Variants in IGFBP2 observed in about 807,000 individuals in gnomAD.
IGFBP2 encodes the protein insulin like growth factor binding protein 2.
IGFBP2 carries 12 observed loss-of-function variants against 26.2 expected under a neutral mutation model. The ratio of observed to expected loss-of-function variants is 0.46; its 90% CI spans 0.29 to 0.74. The LOEUF (loss-of-function observed/expected upper bound fraction) is 0.74. Among genes scored for constraint, IGFBP2 ranks in the 30% least tolerant of loss-of-function variants. The pLI, the probability that IGFBP2 is intolerant of heterozygous loss-of-function variation, is 0.09. For missense variants in IGFBP2, 328 were observed against 441.2 expected, an observed-to-expected ratio of 0.74 and a Z score of 2.30; for synonymous variants, 189 against 200.6, an observed-to-expected ratio of 0.94 and a Z score of 0.49.
At chr2:216,639,408 C>G (rs1361799230) in intron 1 of IGFBP2, among the ~76,000 whole-genome samples, 1 of 152,004 alleles carries the variant, frequency 6.6e-6, no homozygotes, top group Non-Finnish European at 1.5e-5. Context: ...AGGTAAATAC[C>G]TATGATGCCT....
At chr2:216,638,320 C>T (rs1697541706) in intron 1 of IGFBP2, among the ~76,000 whole-genome samples, 1 of 151,370 alleles carries the variant, frequency 6.6e-6, no homozygotes, top group East Asian at 2.0e-4. Context: ...GCCTGGCTAA[C>T]ATAGTGAAAC....
At chr2:216,635,124 G>T (rs1360586272) in intron 1 of IGFBP2, among the ~76,000 whole-genome samples, 5 of 151,974 alleles carry the variant, frequency 3.3e-5, no homozygotes, top group Admixed American at 2.6e-4. Flanking sequence ...GCACCAACCC[G>T]CCTCCCTTCT....
At chr2:216,635,306 T>C (rs991471053) in intron 1 of IGFBP2, among the ~76,000 whole-genome samples, 3 of 152,110 alleles carry the variant, frequency 2.0e-5, no homozygotes, top group African/African-American at 4.8e-5. Context: ...CTCGCTTCCT[T>C]CCCTAGCCTG....
At chr2:216,650,420 G>A (rs1475008079) in intron 1 of IGFBP2, among the ~76,000 whole-genome samples, 1 of 152,164 alleles carries the variant, frequency 6.6e-6, no homozygotes, top group Admixed American at 6.5e-5. Flanking sequence ...CCAAGGCTTC[G>A]AACCCAAAAG....
rs1280546242 is a variant in IGFBP2 at position 216,656,970 on chromosome 2, G to A, written c.443-3587G>A. 3.9e-5 allele frequency among the ~76,000 whole-genome samples: 6 copies of A among 152,162 alleles called. No individual in the cohort carries two copies. The East Asian group carries it at 9.6e-4, about 24-fold the overall frequency. On this transcript the variant is annotated intron_variant, in intron 1 of 3. Transcript: ENST00000233809. ...CCTGCCTCTGTGGGCACAAAGCTGG[G>A]TAGGGTGCGGTAAGCAGGGTGATGC...
chr2:216,646,882 A>G (rs966703690), intron 1 of IGFBP2, among the ~76,000 whole-genome samples: 1 of 152,220 alleles, frequency 6.6e-6, no homozygotes, highest in African/African-American at 2.4e-5. Flanking sequence ...CAGCCAAACC[A>G]TATCAGATGG....
intron 1 of IGFBP2, among the ~76,000 whole-genome samples, chr2:216,649,448 T>C (rs1419068002): frequency 6.6e-6 from 1 of 152,172 alleles, no homozygotes; most frequent in East Asian, 1.9e-4. Context: ...TCAGGCACAT[T>C]CTTCCCATTC....
chr2:216,651,459 C>T (rs1356364726), intron 1 of IGFBP2, among the ~76,000 whole-genome samples: 1 of 152,252 alleles, frequency 6.6e-6, no homozygotes, highest in African/African-American at 2.4e-5. Context: ...ACTGCCTGAC[C>T]TCCTTCCCTT....
At chr2:216,638,903 T>A (rs1170117242) in intron 1 of IGFBP2, among the ~76,000 whole-genome samples, 1 of 151,448 alleles carries the variant, frequency 6.6e-6, no homozygotes, top group African/African-American at 2.4e-5. Context: ...GGTTTCACAG[T>A]GTTAGCCAGG....
intron 1 of IGFBP2, among the ~76,000 whole-genome samples, chr2:216,635,643 T>A (rs892850795): frequency 1.3e-5 from 2 of 151,864 alleles, no homozygotes; most frequent in Admixed American, 1.3e-4. Context: ...CGTCTTATTC[T>A]AAGCCTGAAA....
intron 1 of IGFBP2, among the ~76,000 whole-genome samples, chr2:216,636,262 C>A (rs1298700352): frequency 6.6e-6 from 1 of 152,162 alleles, no homozygotes; most frequent in Non-Finnish European, 1.5e-5. Flanking sequence ...TCTCTCCTCT[C>A]CGAAGAATGA....
chr2:216,636,644 C>G (rs1697502143), intron 1 of IGFBP2, among the ~76,000 whole-genome samples: 1 of 152,076 alleles, frequency 6.6e-6, no homozygotes, highest in Non-Finnish European at 1.5e-5. Context: ...ACTCTAAAAG[C>G]GTGTGTATGT....
intron 1 of IGFBP2, among the ~76,000 whole-genome samples, chr2:216,653,671 G>A (rs963046519): frequency 1.3e-5 from 2 of 152,108 alleles, no homozygotes; most frequent in African/African-American, 4.8e-5. Flanking sequence ...TCTCCTCTAG[G>A]GGTCTTAGGT....
Position 216,664,295 on chromosome 2 carries a change from C to G in IGFBP2, c.*191C>G. The G allele has an allele frequency of 2.2e-6, 1 of 447,328 alleles. No homozygotes were observed. The highest frequency in any genetic ancestry group is 3.9e-6 in the Non-Finnish European group (1 of 255,446). 27.7% of individuals were successfully genotyped at this position (447,328 alleles called of 1,614,324 possible). On this transcript the variant is annotated 3_prime_UTR_variant, in exon 4 of 4. Coordinates refer to ENST00000233809, the MANE Select transcript of IGFBP2 (RefSeq NM_000597.3). This position sits in a 1 kb window ranked among gnomAD's most constrained non-coding sequence, Gnocchi z 4.6. ...TCTCTTCCCAGCTGCAGATGCCACA[C>G]CTGCTCCTTCTTGCTTTCCCCGGGG... is the stretch of plus-strand genomic sequence containing the variant.
At chr2:216,636,414 G>A (rs1697497124) in intron 1 of IGFBP2, among the ~76,000 whole-genome samples, 1 of 151,962 alleles carries the variant, frequency 6.6e-6, no homozygotes, top group African/African-American at 2.4e-5. Flanking sequence ...GGACTCAGGG[G>A]CTGTGTTGCT....
At chr2:216,646,674 A>T (rs550506551) in intron 1 of IGFBP2, among the ~76,000 whole-genome samples, 16 of 152,344 alleles carry the variant, frequency 1.1e-4, no homozygotes, top group Non-Finnish European at 1.5e-5. Flanking sequence ...GGCACGTCTC[A>T]CATGGTGGCA....
At chr2:216,660,383 G>A (rs1030431753) in intron 1 of IGFBP2, among the ~76,000 whole-genome samples, 174 bp from the exon 2 acceptor site, 11 of 152,210 alleles carry the variant, frequency 7.2e-5, no homozygotes, top group African/African-American at 2.7e-4. Flanking sequence ...TTAGGGTGAA[G>A]CTGAAATTGA....
chr2:216,660,728 G>T lies in IGFBP2; in HGVS notation c.614G>T (p.Gly205Val), dbSNP rs1411871524. 6.8e-6 allele frequency: 11 copies of T among 1,613,168 alleles called. No homozygotes were observed. Among genetic ancestry groups the T allele is most frequent in the East Asian group, 2.2e-5 (1 of 44,872 alleles). ...GAGCAGCACCGGCAGATGGGCAAGG[G>T]TGGCAAGCATCACCTTGGCCTGGAG... ...VTEQHRQMGK[G>V]GKHHLGLEEP... The change falls in exon 2 of 4, where the codon GGT (glycine) becomes GTT (valine). Residue 205 changes from glycine (G) to valine (V), a missense_variant. Physicochemically the swap from Gly to Val is moderately radical, Grantham distance 109. Coordinates refer to ENST00000233809, the MANE Select transcript of IGFBP2 (RefSeq NM_000597.3).
intron 1 of IGFBP2, among the ~76,000 whole-genome samples, chr2:216,651,029 C>T (rs368502683): frequency 8.6e-5 from 13 of 151,976 alleles, no homozygotes; most frequent in African/African-American, 2.9e-4. Flanking sequence ...CAGCCTATAC[C>T]GCGACAGACA....
Sources: gnomAD v4.1 joint callset for allele counts (sites outside exome capture counted in the v4.1 genomes callset) on GRCh38, gnomAD v4.1.1 for gene constraint, Gnocchi (gnomAD v3.1) non-coding constraint, MANE v1.5 for transcripts, NCBI Gene and HGNC (gene_info 2026-07-23, HGNC 2026-07-21) for gene names.